AKR1B10: variants seen among roughly 807,000 people sequenced by gnomAD.
AKR1B10 encodes aldo-keto reductase family 1 member B10, also known as ARP.
Under a neutral mutation model 38.9 loss-of-function variants are expected in AKR1B10, and 39 were observed. The observed-to-expected ratio is 1.00, with a 90% CI of 0.78 to 1.31. AKR1B10 has a LOEUF of 1.31. AKR1B10 is among the 50% of genes most tolerant of loss of function. AKR1B10 has a pLI of 0.00. For synonymous variants in AKR1B10, 148 were observed against 141.2 expected (o/e 1.05, Z -0.34); for missense variants, 361 against 382.6 (o/e 0.94, Z 0.47).
chr7:134,531,726 A>T (rs1406461579), intron 2 of AKR1B10, among the ~76,000 whole-genome samples, 182 bp from the exon 3 acceptor site: 2 of 152,174 alleles, frequency 1.3e-5, no homozygotes, highest in Non-Finnish European at 2.9e-5. Flanking sequence ...AACACTTAAG[A>T]CATGTCATTG....
At chr7:134,539,064 A>G in intron 9 of AKR1B10, 47 bp downstream of exon 9, 1 of 1,609,386 alleles carries the variant, frequency 6.2e-7, no homozygotes, top group Non-Finnish European at 8.5e-7. Context: ...AGTTTTTCTA[A>G]ACTAATAGAG....
At chr7:134,532,362 G>C (rs1428274292) in intron 3 of AKR1B10, among the ~76,000 whole-genome samples, 1 of 152,062 alleles carries the variant, frequency 6.6e-6, no homozygotes, top group Non-Finnish European at 1.5e-5. Context: ...AAATCTCTTG[G>C]GTTACTCTTG....
chr7:134,530,538 G>C (rs920307050), intron 1 of AKR1B10, 105 bp from the exon 2 acceptor site: 26 of 1,238,198 alleles, frequency 2.1e-5, no homozygotes, highest in African/African-American at 3.0e-5. Context: ...CGGGAGGTGG[G>C]AGGGTTGCTT....
Position 134,527,911 on chromosome 7 carries a change from C to A in AKR1B10, c.-1C>A. On this transcript the variant is annotated 5_prime_UTR_variant, in exon 1 of 10. Transcript: ENST00000359579. ...CACTCAGAATCATTTCTGCACCAAC[C>A]ATGGCCACGTTTGTGGAGCTCAGTA... The A allele has an allele frequency of 6.2e-7, 1 of 1,613,324 alleles. No individual in the cohort carries two copies. The highest frequency in any genetic ancestry group is 8.5e-7 in the Non-Finnish European group (1 of 1,179,942).
chr7:134,533,743 G>T (rs1227347507), intron 4 of AKR1B10, among the ~76,000 whole-genome samples: 1 of 152,180 alleles, frequency 6.6e-6, no homozygotes, highest in Non-Finnish European at 1.5e-5. Context: ...GACACATCCA[G>T]AAATCAGGGA....
chr7:134,530,568 C>T, intron 1 of AKR1B10, 75 bp from the exon 2 acceptor site: 2 of 1,555,464 alleles, frequency 1.3e-6, no homozygotes, highest in Non-Finnish European at 1.8e-6. Flanking sequence ...AGTGTGAGGC[C>T]AGCCTGGGCA....
At chr7:134,529,757 A>G (rs1420540818) in intron 1 of AKR1B10, among the ~76,000 whole-genome samples, 1 of 152,126 alleles carries the variant, frequency 6.6e-6, no homozygotes, top group East Asian at 1.9e-4. Context: ...AAAATGTGAT[A>G]ATTCTATTTC....
At chr7:134,537,887 A>C (rs1808055269) in intron 7 of AKR1B10, among the ~76,000 whole-genome samples, 1 of 151,968 alleles carries the variant, frequency 6.6e-6, no homozygotes, top group South Asian at 2.1e-4. Context: ...CCTACAGCCC[A>C]GTGGCAAAGC....
At chr7:134,533,235 C>T (rs1017777834) in intron 4 of AKR1B10, among the ~76,000 whole-genome samples, 154 bp downstream of exon 4, 14 of 152,148 alleles carry the variant, frequency 9.2e-5, no homozygotes, top group African/African-American at 2.9e-4. Context: ...TCACCTTTGG[C>T]TTTTGGGTAC....
Position 134,530,784 on chromosome 7 carries a change from C to T in AKR1B10, c.208C>T (p.Arg70Trp), listed in dbSNP as rs541818131. ...GAAGATCCAAGAGAAGGCTGTGAAG[C>T]GGGAGGACCTGTTCATCGTCAGCAA... ...QEKIQEKAVK[R>W]EDLFIVSKLW... Residue 70 changes from arginine (R) to tryptophan (W), a missense_variant, in exon 2 of 10, where the codon CGG (arginine) becomes TGG (tryptophan). Around this residue, in one of 3 missense-constraint regions of AKR1B10, gnomAD observed 220 missense variants for 216.1 expected, o/e 1.02. Coordinates refer to ENST00000359579, the MANE Select transcript of AKR1B10 (RefSeq NM_020299.5). The T allele has an allele frequency of 2.0e-5, 33 of 1,613,172 alleles. No homozygotes were observed. The East Asian group carries it at 2.7e-4, about 13-fold the overall frequency.
chr7:134,531,690 G>C (rs1321965812), intron 2 of AKR1B10, among the ~76,000 whole-genome samples: 4 of 152,190 alleles, frequency 2.6e-5, no homozygotes, highest in African/African-American at 9.7e-5. Context: ...AGAGTACTAG[G>C]ACAGTTGAAA....
intron 3 of AKR1B10, 93 bp from the exon 4 acceptor site, chr7:134,532,911 G>T: frequency 9.7e-7 from 1 of 1,025,912 alleles, no homozygotes; most frequent in South Asian, 1.5e-5. Context: ...TGCAGATGTG[G>T]TATTTAGCAA....
chr7:134,537,483 G>C, intron 6 of AKR1B10, 97 bp from the exon 7 acceptor site: 1 of 1,327,358 alleles, frequency 7.5e-7, no homozygotes, highest in South Asian at 1.3e-5. Flanking sequence ...CAGATGGAGA[G>C]GCTCTGATGA....
At chr7:134,540,791 C>A (rs188656129) in intron 9 of AKR1B10, among the ~76,000 whole-genome samples, 1 of 152,256 alleles carries the variant, frequency 6.6e-6, no homozygotes, top group East Asian at 1.9e-4. Context: ...CCTCGCCTGA[C>A]ACCAGGCTTA....
At position 134,537,608 on chromosome 7, in the gene AKR1B10, G is replaced by A; in HGVS notation, c.688G>A (p.Glu230Lys). 1.2e-6 allele frequency: 2 copies of A among 1,614,028 alleles called. No homozygotes were observed. The highest frequency in any genetic ancestry group is 1.7e-6 in the Non-Finnish European group (2 of 1,179,922). ...CAAGCCAGAAGACCCTTCCCTGCTG[G>A]AGGATCCCAAGATTAAGGAGATTGC... ...WAKPEDPSLLEDPKIKEIAAK... is the reference protein window; with the variant it reads ...WAKPEDPSLLKDPKIKEIAAK... The change falls in exon 7 of 10, where the codon GAG (glutamate) becomes AAG (lysine). Residue 230 changes from glutamate (E) to lysine (K), a missense_variant. Around this residue, in one of 3 missense-constraint regions of AKR1B10, gnomAD observed 132 missense variants for 134.6 expected, o/e 0.98. Transcript: ENST00000359579.
chr7:134,540,929 G>A, intron 9 of AKR1B10, 118 bp from the exon 10 acceptor site: 3 of 732,546 alleles, frequency 4.1e-6, no homozygotes. Flanking sequence ...CTTGCAGGGA[G>A]GAGGCTAAGA....
intron 4 of AKR1B10, 70 bp downstream of exon 4, chr7:134,533,151 A>AAC: frequency 7.9e-7 from 1 of 1,262,166 alleles, no homozygotes; most frequent in Non-Finnish European, 1.1e-6. Flanking sequence ...TCGCATGGAT[A>AAC]TGAATGAGGC....
At position 134,532,992 on chromosome 7, in the gene AKR1B10, C is replaced by G. The variant is rs370963065; in HGVS notation, c.352-12C>G. On this transcript the variant is annotated splice_polypyrimidine_tract_variant and intron_variant, in intron 3 of 9. Coordinates refer to ENST00000359579, the MANE Select transcript of AKR1B10 (RefSeq NM_020299.5). Reference sequence around the variant, plus strand: ...TGCAGATTCCAGTAAACTTTTCATTCTGTGTTCACAGTCTGGGGATGACCT... The same window carrying G: ...TGCAGATTCCAGTAAACTTTTCATTGTGTGTTCACAGTCTGGGGATGACCT... 166 of 1,595,818 alleles carry G rather than the reference C, an allele frequency of 1.0e-4. No homozygotes were observed. Among genetic ancestry groups the G allele is most frequent in the Non-Finnish European group, 1.4e-4 (162 of 1,173,352 alleles).
chr7:134,528,563 AAAAT>A (rs1807757684), intron 1 of AKR1B10, among the ~76,000 whole-genome samples: 2 of 152,168 alleles, frequency 1.3e-5, no homozygotes, highest in Non-Finnish European at 1.5e-5. Context: ...ATTTCTACAA[AAAAT>A]AAATAAATTT....
Sources: allele counts gnomAD v4.1 joint callset (sites outside exome capture counted in the v4.1 genomes callset), GRCh38; gene constraint gnomAD v4.1.1; regional missense constraint gnomAD v4.1.1; transcripts MANE v1.5; gene names NCBI Gene and HGNC (gene_info 2026-07-23, HGNC 2026-07-21).